Variants in ATG4B observed in about 807,000 individuals in gnomAD.
ATG4B encodes cysteine protease ATG4B.
ATG4B carries 29 observed loss-of-function variants against 56.6 expected under a neutral mutation model. That is an observed-to-expected ratio of 0.51 (90% confidence interval 0.38 to 0.70). The LOEUF is 0.70. ATG4B is among the 30% of genes least tolerant of loss of function. The pLI is 0.00. For synonymous variants in ATG4B, 224 were observed against 206.1 expected (o/e 1.09, Z -0.74); for missense variants, 461 against 515.5 (o/e 0.89, Z 1.02).
Position 241,670,734 on chromosome 2 carries a change from C to T in ATG4B, c.966C>T (p.Phe322=). 3.1e-6 allele frequency: 5 copies of T among 1,610,678 alleles called. No homozygotes were observed. The highest frequency in any genetic ancestry group is 4.2e-6 in the Non-Finnish European group (5 of 1,178,362). ...TCGTCATTTCGTTTTAGGGGTTTTT[C>T]TGTAAGACTGAAGATGACTTCAATG... is the stretch of plus-strand genomic sequence containing the variant. The part of the protein sequence containing the change: ...ELDPSIAVGF[F]CKTEDDFNDW... The change falls in exon 11 of 13, where the codon TTC becomes TTT. Residue 322 remains phenylalanine (F), a synonymous_variant. Coordinates refer to ENST00000404914, the MANE Select transcript of ATG4B (RefSeq NM_013325.5).
At chr2:241,643,364 A>ATT (rs71049595) in intron 1 of ATG4B, among the ~76,000 whole-genome samples, 12,859 of 109,604 alleles carry the variant, frequency 0.12, 789 homozygotes, top group Middle Eastern at 0.23. Context: ...ACGCCTAGCT[A>ATT]TTTTTTTTTT....
At chr2:241,672,124 G>C in intron 12 of ATG4B, 67 bp from the exon 13 acceptor site, 1 of 1,544,010 alleles carries the variant, frequency 6.5e-7, no homozygotes, top group Non-Finnish European at 8.8e-7. Context: ...CCCACGCCAA[G>C]GGCCCTTGAC....
chr2:241,640,916 T>A (rs1482667391), intron 1 of ATG4B, among the ~76,000 whole-genome samples: 1 of 152,166 alleles, frequency 6.6e-6, no homozygotes, highest in Non-Finnish European at 1.5e-5. Context: ...TAGTGAGGAC[T>A]CAGTGTTTAT....
chr2:241,650,950 T>TTCGATACTAG lies in ATG4B; in HGVS notation c.11-58_11-49dup. 2.8e-6 allele frequency: 4 copies of TTCGATACTAG among 1,414,958 alleles called. No individual in the cohort carries two copies. The South Asian group carries it at 5.0e-5, about 18-fold the overall frequency. The allele number at this position is 1,414,958 out of a possible 1,614,324, so 87.7% of individuals were successfully genotyped here. On this transcript the variant is annotated intron_variant, in intron 1 of 12. Coordinates refer to ENST00000404914, the MANE Select transcript of ATG4B (RefSeq NM_013325.5). ...CACAGAAATGCTGTAAATGGCCTCT[T>TTCGATACTAG]TCGATACTAGTTTATGAAATTATAA...
rs1225594784 is a variant in ATG4B, at chr2:241,655,255, T to C, written c.386-16T>C. The C allele has an allele frequency of 1.2e-6, 2 of 1,606,056 alleles. No individual in the cohort carries two copies. Among genetic ancestry groups the C allele is most frequent in the Admixed American group, 3.4e-5 (2 of 58,816 alleles). ...GGGGCGGGTGTGTGTTGCTAATGTGTATCTGTTCCCTGCAGCGCAAATGGG... is the reference window on the plus strand; with the variant it reads ...GGGGCGGGTGTGTGTTGCTAATGTGCATCTGTTCCCTGCAGCGCAAATGGG... On this transcript the variant is annotated splice_polypyrimidine_tract_variant and intron_variant, in intron 5 of 12. Transcript: ENST00000404914.
At chr2:241,639,429 C>T (rs2067815730) in intron 1 of ATG4B, among the ~76,000 whole-genome samples, 1 of 152,210 alleles carries the variant, frequency 6.6e-6, no homozygotes. Context: ...CCCTTTGCTG[C>T]CTCCTGTCAC....
At position 241,653,537 on chromosome 2, in the gene ATG4B, A is replaced by G; in HGVS notation, c.210A>G (p.Thr70=). Residue 70 remains threonine, a synonymous_variant, in exon 4 of 13, where the codon ACA becomes ACG. Coordinates refer to ENST00000404914, the MANE Select transcript of ATG4B (RefSeq NM_013325.5). Reference sequence around the variant, plus strand: ...GGGGGACAGGCCCCACCTCGGACACAGGCTGGGGCTGCATGCTGCGGTGTG... The same window carrying G: ...GGGGGACAGGCCCCACCTCGGACACGGGCTGGGGCTGCATGCTGCGGTGTG... ...AIGGTGPTSD[T]GWGCMLRCGQ... is the part of the protein sequence containing the mutation. The G allele has an allele frequency of 6.3e-7, 1 of 1,584,096 alleles. No homozygotes were observed. The highest frequency in any genetic ancestry group is 2.3e-5 in the East Asian group (1 of 43,414).
Position 241,651,738 on chromosome 2 carries a change from C to A in ATG4B, c.184+403C>A. 2.2e-6 allele frequency: 1 copy of A among 459,218 alleles called. No individual in the cohort carries two copies. The highest frequency in any genetic ancestry group is 3.9e-6 in the Non-Finnish European group (1 of 257,748). 28.4% of individuals were successfully genotyped at this position (459,218 alleles called of 1,614,324 possible). A position where few individuals can be genotyped will look rare whatever the true frequency, so the allele number is the denominator to read the frequency against. On this transcript the variant is annotated intron_variant, in intron 3 of 12. Transcript: ENST00000404914. This position sits in a 1 kb window ranked among gnomAD's most constrained non-coding sequence, Gnocchi z 4.1. ...TGGGTCACAGCTGTACAATGTGTTT[C>A]TTACTTAGGTCCAGAATGTTTGGAA...
At chr2:241,649,666 C>T (rs1422797551) in intron 1 of ATG4B, among the ~76,000 whole-genome samples, 3 of 152,310 alleles carry the variant, frequency 2.0e-5, no homozygotes, top group East Asian at 1.9e-4. Context: ...TGCTGGCTGG[C>T]GCCTTCTTTT....
At chr2:241,652,691 G>A (rs187516864) in intron 3 of ATG4B, among the ~76,000 whole-genome samples, 302 of 152,252 alleles carry the variant, frequency 2.0e-3, no homozygotes, top group African/African-American at 6.7e-3. Context: ...GCAGTAGAGC[G>A]ATCAGCAGTG....
chr2:241,670,526 C>T (rs574797446), intron 10 of ATG4B, 200 bp from the exon 11 acceptor site: 12 of 613,994 alleles, frequency 2.0e-5, no homozygotes, highest in Middle Eastern at 4.2e-4. Context: ...TGAGGGGAGC[C>T]GGGCACTGGT....
chr2:241,655,479 C>A, intron 6 of ATG4B, 136 bp downstream of exon 6: 3 of 845,544 alleles, frequency 3.5e-6, no homozygotes, highest in South Asian at 1.7e-5. Flanking sequence ...GAAGGTTTCT[C>A]AGCGATGACT....
At chr2:241,639,099 A>G (rs1172366857) in intron 1 of ATG4B, among the ~76,000 whole-genome samples, 2 of 152,144 alleles carry the variant, frequency 1.3e-5, no homozygotes, top group African/African-American at 4.8e-5. Flanking sequence ...CCATGACTGT[A>G]TGCTCAGCCC....
chr2:241,656,311 G>A (rs1359528137), intron 6 of ATG4B, among the ~76,000 whole-genome samples: 1 of 152,002 alleles, frequency 6.6e-6, no homozygotes, highest in Admixed American at 6.6e-5. Flanking sequence ...CGCGTCCCAC[G>A]TCACCCCCGT....
chr2:241,656,302 G>GCGTCCCACGTCACCCC (rs934872467), intron 6 of ATG4B, among the ~76,000 whole-genome samples: 37 of 151,876 alleles, frequency 2.4e-4, no homozygotes, highest in Non-Finnish European at 1.9e-4. Flanking sequence ...CACGTCACCC[G>GCGTCCCACGTCACCCC]CGTCCCACGT....
chr2:241,666,686 G>A lies in ATG4B; in HGVS notation c.580G>A (p.Ala194Thr), dbSNP rs755995627. ...CAGCGTTCCCTGTGCAGGCGCCACT[G>A]CGTTTCCTGCAGATTCCGACCGGCA... ...RTSVPCAGAT[A>T]FPADSDRHCN... is the part of the protein sequence containing the mutation. Residue 194 changes from alanine to threonine, a missense_variant, in exon 8 of 13, where the codon GCG becomes ACG. Ala to Thr is a moderately conservative substitution (Grantham distance 58, BLOSUM62 0). Coordinates refer to ENST00000404914, the MANE Select transcript of ATG4B (RefSeq NM_013325.5). The A allele has an allele frequency of 1.9e-5, 30 of 1,613,486 alleles. No individual in the cohort carries two copies. Among genetic ancestry groups the A allele is most frequent in the Non-Finnish European group, 2.5e-5 (30 of 1,179,770 alleles).
chr2:241,669,594 G>A (rs372225813), intron 10 of ATG4B, among the ~76,000 whole-genome samples: 4 of 152,182 alleles, frequency 2.6e-5, no homozygotes, highest in East Asian at 1.9e-4. Flanking sequence ...TGCAAGCTCC[G>A]CCTCCCAGGT....
chr2:241,643,694 T>TCCCCCCCCCCCCC (rs200143016), intron 1 of ATG4B, among the ~76,000 whole-genome samples: 4 of 121,900 alleles, frequency 3.3e-5, no homozygotes, highest in South Asian at 2.6e-4. Flanking sequence ...GTATATATTT[T>TCCCCCCCCCCCCC]CCCCCCCCCC....
At chr2:241,644,390 A>G (rs1354357823) in intron 1 of ATG4B, among the ~76,000 whole-genome samples, 1 of 152,130 alleles carries the variant, frequency 6.6e-6, no homozygotes, top group Non-Finnish European at 1.5e-5. Flanking sequence ...GTGTTGGTCG[A>G]TCTGCAGATG....
Sources: gnomAD v4.1 joint callset for allele counts (sites outside exome capture counted in the v4.1 genomes callset) on GRCh38, gnomAD v4.1.1 for gene constraint, Gnocchi (gnomAD v3.1) non-coding constraint, MANE v1.5 for transcripts, NCBI Gene and HGNC (gene_info 2026-07-23, HGNC 2026-07-21) for gene names.